The following PCDHA10 variants were observed in gnomAD, a reference collection of about 807,000 sequenced individuals.
PCDHA10 encodes protocadherin alpha 10, also known as protocadherin alpha-10.
PCDHA10 carries 45 observed loss-of-function variants against 61.2 expected under a neutral mutation model. The observed-to-expected ratio is 0.74, with a 90% CI of 0.58 to 0.94. The LOEUF (loss-of-function observed/expected upper bound fraction) is 0.94. PCDHA10 is among the 40% of genes least tolerant of loss of function. The pLI, the probability that PCDHA10 is intolerant of heterozygous loss-of-function variation, is 0.00. For synonymous variants in PCDHA10, 602 were observed against 548.8 expected (o/e 1.10, Z -1.35); for missense variants, 1,278 against 1,236.2 (o/e 1.03, Z -0.51).
chr5:140,863,474 G>A (rs1440662117), intron 1 of PCDHA10: 3 of 480,748 alleles, frequency 6.2e-6, no homozygotes, highest in African/African-American at 2.0e-5. Context: ...CTGGAGAGTC[G>A]CCTCCCAAGG....
intron 1 of PCDHA10, among the ~76,000 whole-genome samples, chr5:140,932,061 T>G (rs1009983968): frequency 5.3e-5 from 8 of 152,046 alleles, no homozygotes; most frequent in African/African-American, 1.9e-4. Flanking sequence ...TACTAAAAAT[T>G]ATCAGTTTAA....
chr5:140,992,418 A>G (rs2097510878), intron 3 of PCDHA10, among the ~76,000 whole-genome samples: 1 of 152,164 alleles, frequency 6.6e-6, no homozygotes, highest in South Asian at 2.1e-4. Flanking sequence ...CCCCAGGTCT[A>G]AGAATATTGT....
intron 1 of PCDHA10, among the ~76,000 whole-genome samples, chr5:140,937,823 A>T (rs2091776135): frequency 6.6e-6 from 1 of 151,692 alleles, no homozygotes; most frequent in Admixed American, 6.6e-5. Context: ...GAGGCAGGAG[A>T]ATGGCATGAA....
chr5:140,917,058 C>T (rs1028478613), intron 1 of PCDHA10, among the ~76,000 whole-genome samples: 4 of 152,072 alleles, frequency 2.6e-5, no homozygotes, highest in Non-Finnish European at 5.9e-5. Context: ...TTCCCTGCTA[C>T]GACAGCACCG....
chr5:140,982,014 C>A (rs546904836), intron 2 of PCDHA10, among the ~76,000 whole-genome samples: 1 of 152,152 alleles, frequency 6.6e-6, no homozygotes, highest in Admixed American at 6.5e-5. Context: ...AATTAGATAG[C>A]CAAATTGGAA....
chr5:140,925,108 G>GGAAGGAAGGAAGGAA (rs1554202548), intron 1 of PCDHA10, among the ~76,000 whole-genome samples: 36 of 124,780 alleles, frequency 2.9e-4, no homozygotes, highest in African/African-American at 1.2e-3. Context: ...GAAGGAAGGA[G>GGAAGGAAGGAAGGAA]GGAAGGAAGG....
chr5:141,008,439 G>A (rs2098377388), intron 3 of PCDHA10, among the ~76,000 whole-genome samples: 1 of 152,128 alleles, frequency 6.6e-6, no homozygotes, highest in African/African-American at 2.4e-5. Context: ...TGCCCAGACA[G>A]ACCATTACCC....
chr5:140,914,130 A>G (rs552189632), intron 1 of PCDHA10, among the ~76,000 whole-genome samples: 2 of 152,146 alleles, frequency 1.3e-5, no homozygotes, highest in African/African-American at 4.8e-5. Flanking sequence ...TTCTTTGTTG[A>G]GTTTTTGTCT....
At chr5:140,959,568 T>A (rs1333268160) in intron 1 of PCDHA10, among the ~76,000 whole-genome samples, 1 of 152,208 alleles carries the variant, frequency 6.6e-6, no homozygotes, top group African/African-American at 2.4e-5. Flanking sequence ...GTACTAGATT[T>A]TTTGTTTCAA....
At chr5:140,885,313 A>G (rs2060560221) in intron 1 of PCDHA10, among the ~76,000 whole-genome samples, 1 of 152,144 alleles carries the variant, frequency 6.6e-6, no homozygotes, top group East Asian at 1.9e-4. Flanking sequence ...GCTTTTTGTT[A>G]TTATTTCTTT....
intron 3 of PCDHA10, among the ~76,000 whole-genome samples, chr5:141,005,899 A>G (rs2098245270): frequency 6.6e-6 from 1 of 151,978 alleles, no homozygotes; most frequent in East Asian, 1.9e-4. Flanking sequence ...TCAAGCAATG[A>G]TTGCACCACT....
At chr5:140,881,147 A>G (rs982102013) in intron 1 of PCDHA10, among the ~76,000 whole-genome samples, 3 of 152,238 alleles carry the variant, frequency 2.0e-5, no homozygotes, top group Non-Finnish European at 4.4e-5. Context: ...ATAACAATAG[A>G]TAAAAGTAAG....
chr5:140,858,741 A>G, intron 1 of PCDHA10: 1 of 467,024 alleles, frequency 2.1e-6, no homozygotes, highest in Middle Eastern at 5.8e-4. Flanking sequence ...TACTTTCATA[A>G]TCACTTTTCG....
intron 1 of PCDHA10, chr5:140,929,398 A>G: frequency 6.6e-7 from 1 of 1,510,096 alleles, no homozygotes; most frequent in Non-Finnish European, 8.9e-7. Flanking sequence ...AATATTTCTT[A>G]GACAAGCCTT....
At chr5:141,009,389 G>A (rs1234679148) in intron 3 of PCDHA10, among the ~76,000 whole-genome samples, 1 of 152,178 alleles carries the variant, frequency 6.6e-6, no homozygotes, top group Non-Finnish European at 1.5e-5. Context: ...AGCACAGGAG[G>A]TCGAGGCTGC....
chr5:140,976,267 T>C (rs115616483), intron 1 of PCDHA10, among the ~76,000 whole-genome samples: 1,952 of 152,234 alleles, frequency 0.013, 51 homozygotes, highest in African/African-American at 0.045. Flanking sequence ...ACACAGACTT[T>C]TGGCAAGGCA....
At chr5:140,861,714 C>T (rs1270815582) in intron 1 of PCDHA10, 2 of 216,396 alleles carry the variant, frequency 9.2e-6, no homozygotes, top group Non-Finnish European at 1.9e-5. Flanking sequence ...GACGTCGGGG[C>T]CAATGCTCTG....
chr5:140,876,313 A>T, intron 1 of PCDHA10: 1 of 1,614,022 alleles, frequency 6.2e-7, no homozygotes, highest in East Asian at 2.2e-5. Flanking sequence ...TTCCTATGGG[A>T]TCAAAATGAT....
At chr5:140,873,722 G>A (rs371744747) in intron 1 of PCDHA10, among the ~76,000 whole-genome samples, 2 of 152,198 alleles carry the variant, frequency 1.3e-5, no homozygotes, top group South Asian at 2.1e-4. Flanking sequence ...GTGCAGTGGC[G>A]CAATCTCAGC....
Sources: gnomAD v4.1 joint callset for allele counts (sites outside exome capture counted in the v4.1 genomes callset) on GRCh38, gnomAD v4.1.1 for gene constraint, MANE v1.5 for transcripts, NCBI Gene and HGNC (gene_info 2026-07-23, HGNC 2026-07-21) for gene names.